Variants in ANKRD28 observed in about 807,000 individuals in gnomAD.
ANKRD28 encodes serine/threonine-protein phosphatase 6 regulatory ankyrin repeat subunit A.
A neutral mutation model predicts 126.5 loss-of-function variants in ANKRD28; 44 were observed. The observed-to-expected ratio is 0.35, with a 90% CI of 0.27 to 0.45. The LOEUF is 0.45. ANKRD28 is among the 20% of genes least tolerant of loss of function. The probability of loss-of-function intolerance (pLI) is 1.00; values close to 1 mark genes in which losing one functional copy is unlikely to be tolerated. For synonymous variants in ANKRD28, 442 were observed against 468.5 expected (o/e 0.94, Z 0.73); for missense variants, 1,110 against 1,316.6 (o/e 0.84, Z 2.43).
chr3:15,850,224 T>TATAGAGAGAGAGAGAGAGAG (rs1418223588), intron 1 of ANKRD28, among the ~76,000 whole-genome samples: 11 of 35,114 alleles, frequency 3.1e-4, no homozygotes, highest in Non-Finnish European at 6.6e-4. Flanking sequence ...TATATATATA[T>TATAGAGAGAGAGAGAGAGAG]AGAGAGAGAG....
At position 15,675,909 on chromosome 3, in the gene ANKRD28, A is replaced by C. The variant is rs1190492410; in HGVS notation, c.2954T>G (p.Val985Gly). 4.3e-6 allele frequency: 7 copies of C among 1,610,140 alleles called. No individual in the cohort carries two copies. The Admixed American group carries it at 5.0e-5, about 12-fold the overall frequency. The change falls in exon 27 of 28, where the codon GTA becomes GGA. Residue 985 changes from valine to glycine, a missense_variant. By Grantham distance (109) the Val-to-Gly change is moderately radical. Transcript: ENST00000683139. ...TAGAACCAACTTACCATTTTCATCT[A>C]CTGCAAGCACACTTGCTCCTTTTCC... ...LLGKGASVLAVDENGYTPALA... is the reference protein window; with the variant it reads ...LLGKGASVLAGDENGYTPALA...
intron 1 of ANKRD28, among the ~76,000 whole-genome samples, chr3:15,823,550 G>A (rs931175036): frequency 1.3e-5 from 2 of 152,098 alleles, no homozygotes; most frequent in African/African-American, 4.8e-5. Context: ...AATAGCGCTA[G>A]GACAACTGGA....
intron 4 of ANKRD28, among the ~76,000 whole-genome samples, chr3:15,750,015 C>T (rs1013260361): frequency 1.3e-5 from 2 of 152,218 alleles, no homozygotes; most frequent in Non-Finnish European, 1.5e-5. Flanking sequence ...TATTTGCTTT[C>T]TAACCTACAA....
Position 15,797,215 on chromosome 3 carries a change from A to C in ANKRD28, c.-694T>G, listed in dbSNP as rs550572886. 498 of 985,116 alleles carry C rather than the reference A, an allele frequency of 5.1e-4. 1 individual carries two copies. The highest frequency in any genetic ancestry group is 2.1e-3 in the Middle Eastern group (4 of 1,912). The allele number at this position is 985,116 out of a possible 1,614,324, so 61.0% of individuals were successfully genotyped here. A position where few individuals can be genotyped will look rare whatever the true frequency, so the allele number is the denominator to read the frequency against. On this transcript the variant is annotated 5_prime_UTR_variant, in exon 1 of 28. Coordinates refer to ENST00000683139, the MANE Select transcript of ANKRD28 (RefSeq NM_001349278.2). Reference sequence around the variant, plus strand: ...AAGGGGCAAAAAACAAAAACAAAAAAAAAAAAACCACTCTGCATTAATAGC... The same window carrying C: ...AAGGGGCAAAAAACAAAAACAAAAACAAAAAAACCACTCTGCATTAATAGC...
intron 3 of ANKRD28, chr3:15,756,389 G>T: frequency 1.7e-6 from 1 of 605,896 alleles, no homozygotes; most frequent in Non-Finnish European, 2.1e-6. Context: ...CAATAGTTTT[G>T]TAAAAGAAAA....
At chr3:15,714,262 TAC>T (rs1339616148) in intron 9 of ANKRD28, among the ~76,000 whole-genome samples, 2 of 151,962 alleles carry the variant, frequency 1.3e-5, no homozygotes, top group African/African-American at 4.8e-5. Context: ...ATATACAGAG[TAC>T]ACACATTAAT....
At chr3:15,786,164 G>A (rs989821968) in intron 2 of ANKRD28, among the ~76,000 whole-genome samples, 1 of 152,022 alleles carries the variant, frequency 6.6e-6, no homozygotes, top group Non-Finnish European at 1.5e-5. Flanking sequence ...GAACCCTAAT[G>A]TAAACTCTGG....
chr3:15,781,314 T>C (rs1349905256), intron 2 of ANKRD28: 1 of 152,060 alleles, frequency 6.6e-6, no homozygotes, highest in East Asian at 1.9e-4. Context: ...TGAGGATGTT[T>C]CTGGAGGAGA....
chr3:15,859,512 C>A (rs1219416068), exon 1 of ANKRD28: 3 of 1,071,290 alleles, frequency 2.8e-6, no homozygotes, highest in Non-Finnish European at 2.6e-6. Flanking sequence ...CTGCCCGGGA[C>A]CAGCGGGTCC....
intron 6 of ANKRD28, among the ~76,000 whole-genome samples, chr3:15,727,587 A>AAAG (rs1553609264): frequency 1.8e-5 from 2 of 110,368 alleles, no homozygotes; most frequent in Admixed American, 1.1e-4. Flanking sequence ...AAAAAAAAAA[A>AAAG]AAAGAAAGAA....
At chr3:15,715,563 G>C (rs2072906371) in intron 8 of ANKRD28, among the ~76,000 whole-genome samples, 1 of 152,156 alleles carries the variant, frequency 6.6e-6, no homozygotes, top group Non-Finnish European at 1.5e-5. Context: ...ATCTTTTGGA[G>C]GCAGTACGAG....
intron 27 of ANKRD28, among the ~76,000 whole-genome samples, chr3:15,675,378 T>C (rs1384825866): frequency 6.6e-6 from 1 of 152,134 alleles, no homozygotes; most frequent in African/African-American, 2.4e-5. Context: ...AATATGGCAG[T>C]AGCTGGCAGG....
At chr3:15,672,035 T>C (rs1486563207) in intron 27 of ANKRD28, among the ~76,000 whole-genome samples, 2 of 152,224 alleles carry the variant, frequency 1.3e-5, no homozygotes. Flanking sequence ...CAGTATTTCA[T>C]TGTGTGATTA....
intron 14 of ANKRD28, among the ~76,000 whole-genome samples, chr3:15,698,129 GC>G (rs1559358394): frequency 6.6e-6 from 1 of 151,830 alleles, no homozygotes; most frequent in African/African-American, 2.4e-5. Flanking sequence ...CATTAGTCTT[GC>G]TAGCGGTCTG....
At chr3:15,735,621 G>A in intron 5 of ANKRD28, 124 bp from the exon 6 acceptor site, 1 of 670,774 alleles carries the variant, frequency 1.5e-6, no homozygotes, top group South Asian at 2.0e-5. Flanking sequence ...CTGAACAGAA[G>A]GAGCTAGACT....
At chr3:15,777,828 C>T (rs1238064683) in intron 2 of ANKRD28, among the ~76,000 whole-genome samples, 1 of 144,822 alleles carries the variant, frequency 6.9e-6, no homozygotes, top group African/African-American at 2.5e-5. Context: ...CAGTTGACTG[C>T]TCCCATCACC....
At position 15,854,017 on chromosome 3, in the gene ANKRD28, C is replaced by T. The variant is rs2061708632; in HGVS notation, c.27+5360G>A. Among the ~76,000 whole-genome samples the T allele has an allele frequency of 6.6e-6, 1 of 152,196 alleles. No homozygotes were observed. Among genetic ancestry groups the T allele is most frequent in the Non-Finnish European group, 1.5e-5 (1 of 68,036 alleles). On this transcript the variant is annotated intron_variant, in intron 1 of 27. Transcript: ENST00000399451. The surrounding 1 kb of genome is among the most constrained non-coding windows in gnomAD (Gnocchi z 4.1). ...TGTTCTGATTTACAGCAGTAGCTAC[C>T]TAACTGGTCCTGGGTGTCCCTGTTT...
chr3:15,821,227 T>C (rs554647009), intron 1 of ANKRD28, among the ~76,000 whole-genome samples: 3 of 152,328 alleles, frequency 2.0e-5, no homozygotes, highest in African/African-American at 7.2e-5. Context: ...TTTCTTAGAA[T>C]GGTGAGCTTA....
intron 14 of ANKRD28, among the ~76,000 whole-genome samples, chr3:15,706,321 A>G (rs2071388451): frequency 6.6e-6 from 1 of 151,514 alleles, no homozygotes; most frequent in African/African-American, 2.4e-5. Flanking sequence ...ATTCTCACCT[A>G]TGAGTGAGAA....
Sources: allele counts gnomAD v4.1 joint callset (sites outside exome capture counted in the v4.1 genomes callset), GRCh38; gene constraint gnomAD v4.1.1; non-coding constraint Gnocchi (gnomAD v3.1); transcripts MANE v1.5; gene names NCBI Gene and HGNC (gene_info 2026-07-23, HGNC 2026-07-21).